Variants in CALCOCO2 observed in about 807,000 individuals in gnomAD.
CALCOCO2 encodes the protein calcium-binding and coiled-coil domain-containing protein 2.
Under a neutral mutation model 62.5 loss-of-function variants are expected in CALCOCO2, and 42 were observed. That is an observed-to-expected ratio of 0.67 (90% CI 0.53 to 0.87). The LOEUF (loss-of-function observed/expected upper bound fraction) is 0.87. Ranked by LOEUF, CALCOCO2 falls within the 40% of genes least tolerant of loss-of-function variation. The probability of loss-of-function intolerance (pLI) is 0.00; values close to 1 mark genes in which losing one functional copy is unlikely to be tolerated. For synonymous variants in CALCOCO2, 167 were observed against 173.0 expected, an observed-to-expected ratio of 0.97 and a Z score of 0.27; for missense variants, 456 against 515.0, an observed-to-expected ratio of 0.89 and a Z score of 1.11.
At chr17:48,855,117 AAG>A (rs1202726365) in intron 9 of CALCOCO2, among the ~76,000 whole-genome samples, 1 of 152,170 alleles carries the variant, frequency 6.6e-6, no homozygotes, top group Non-Finnish European at 1.5e-5. Context: ...TTGCACTAAA[AAG>A]AGGGATGTAG....
chr17:48,863,043 G>T lies in CALCOCO2; in HGVS notation c.*38G>T. ...CTTGGATGTATACAGAGATTTTATA[G>T]AATAGAACCTATAGCTTCTACCATG... On this transcript the variant is annotated 3_prime_UTR_variant, in exon 13 of 13. Coordinates refer to ENST00000258947, the MANE Select transcript of CALCOCO2 (RefSeq NM_005831.5). The T allele has an allele frequency of 1.4e-6, 2 of 1,440,234 alleles. No homozygotes were observed. The highest frequency in any genetic ancestry group is 1.1e-5 in the South Asian group (1 of 87,344). The allele number at this position is 1,440,234 out of a possible 1,614,324, so 89.2% of individuals were successfully genotyped here.
At chr17:48,834,430 A>C (rs1016589171) in intron 1 of CALCOCO2, among the ~76,000 whole-genome samples, 6 of 152,258 alleles carry the variant, frequency 3.9e-5, no homozygotes, top group African/African-American at 1.4e-4. Flanking sequence ...GAATTTGTGC[A>C]TTATTTTACC....
chr17:48,856,096 A>G lies in CALCOCO2; in HGVS notation c.917A>G (p.Glu306Gly), dbSNP rs1370181309. 2.6e-6 allele frequency: 4 copies of G among 1,561,856 alleles called. No individual in the cohort carries two copies. In the African/African-American group the frequency reaches 4.1e-5, roughly 16 times the overall value. Reference protein sequence around the residue: ...AMKKQQELMDENFDLSKRLSE... With the variant: ...AMKKQQELMDGNFDLSKRLSE... ...AATTTTTTTTATTGTTGACAGGATG[A>G]AAACTTTGACCTGTCAAAAAGACTG... is the stretch of plus-strand genomic sequence containing the variant. The change falls in exon 10 of 13, where the codon GAA (glutamate) becomes GGA (glycine). Residue 306 changes from glutamate to glycine, a missense_variant. Transcript: ENST00000258947.
chr17:48,833,386 C>G (rs939608919), intron 1 of CALCOCO2, among the ~76,000 whole-genome samples: 4 of 152,062 alleles, frequency 2.6e-5, no homozygotes, highest in South Asian at 2.1e-4. Context: ...GAAACCCCGT[C>G]TCTACTAAAA....
At chr17:48,838,168 CAATT>C (rs2039921933) in intron 1 of CALCOCO2, among the ~76,000 whole-genome samples, 1 of 151,816 alleles carries the variant, frequency 6.6e-6, no homozygotes, top group Non-Finnish European at 1.5e-5. Context: ...GGGTCGTGAT[CAATT>C]GAGCAAGCAG....
intron 2 of CALCOCO2, among the ~76,000 whole-genome samples, chr17:48,845,320 GGTGTGTGTGTGT>G (rs55686005): frequency 1.5e-5 from 2 of 137,244 alleles, no homozygotes; most frequent in African/African-American, 2.7e-5. Context: ...CTATGTTGAG[GGTGTGTGTGTGT>G]GTGTGTGTGT....
At chr17:48,860,830 C>T (rs12939640) in intron 11 of CALCOCO2, among the ~76,000 whole-genome samples, 86 of 152,134 alleles carry the variant, frequency 5.7e-4, no homozygotes, top group Non-Finnish European at 1.0e-3. Flanking sequence ...GTTACAGCAG[C>T]CACCCTGATG....
At chr17:48,841,614 A>G (rs2039974808) in intron 1 of CALCOCO2, 84 bp from the exon 2 acceptor site, 2 of 949,824 alleles carry the variant, frequency 2.1e-6, no homozygotes, top group East Asian at 2.8e-5. Flanking sequence ...TTTGCACAGA[A>G]TGTTCCCTGG....
chr17:48,849,079 A>G (rs951038516), intron 4 of CALCOCO2, among the ~76,000 whole-genome samples, 173 bp from the exon 5 acceptor site: 1 of 152,216 alleles, frequency 6.6e-6, no homozygotes, highest in Middle Eastern at 3.2e-3. Flanking sequence ...TGCTGCAATT[A>G]TAAAGACATA....
At chr17:48,860,094 A>G (rs1470889899) in intron 10 of CALCOCO2, among the ~76,000 whole-genome samples, 2 of 152,194 alleles carry the variant, frequency 1.3e-5, no homozygotes, top group Admixed American at 6.5e-5. Context: ...ACTCTGACTC[A>G]AAATAAATAA....
intron 10 of CALCOCO2, among the ~76,000 whole-genome samples, chr17:48,857,673 G>T (rs561833662): frequency 6.7e-6 from 1 of 148,948 alleles, no homozygotes; most frequent in African/African-American, 2.5e-5. Context: ...TTAAAATTGC[G>T]GTTAAAACAC....
chr17:48,845,371 CTGTGTGTGTGTGTGTGTGTGTGTGTGTG>C (rs56280364), intron 2 of CALCOCO2, among the ~76,000 whole-genome samples: 5 of 116,210 alleles, frequency 4.3e-5, no homozygotes, highest in Admixed American at 8.9e-5. Context: ...TAAATCCTCA[CTGTGTGTGTGTGTGTGTGTGTGTGTGTG>C]TGTGTGTGTG....
intron 10 of CALCOCO2, among the ~76,000 whole-genome samples, chr17:48,857,176 C>T (rs946900457): frequency 6.7e-6 from 1 of 149,168 alleles, no homozygotes; most frequent in African/African-American, 2.5e-5. Flanking sequence ...ATCTATACTT[C>T]CATCAATTCT....
At chr17:48,849,512 G>A (rs983486287) in intron 5 of CALCOCO2, 135 bp downstream of exon 5, 3 of 759,202 alleles carry the variant, frequency 4.0e-6, no homozygotes, top group Admixed American at 2.7e-5. Context: ...CATTAGTTTT[G>A]TTTGTTTGTT....
At chr17:48,858,000 A>AATAGGATAGC (rs2040250219) in intron 10 of CALCOCO2, among the ~76,000 whole-genome samples, 1 of 22,318 alleles carries the variant, frequency 4.5e-5, no homozygotes, top group Non-Finnish European at 1.1e-4. Context: ...AATAGAATAG[A>AATAGGATAGC]ATAGAATAGA....
In CALCOCO2 at chr17:48,864,676, G is replaced by A. The variant is rs1401827295; in HGVS notation, c.*1671G>A. 2 of 152,358 alleles carry A rather than the reference G, an allele frequency of 1.3e-5. No individual in the cohort carries two copies. The highest frequency in any genetic ancestry group is 1.3e-4 in the Admixed American group (2 of 15,282). 9.4% of individuals were successfully genotyped at this position (152,358 alleles called of 1,614,324 possible). Reference sequence around the variant, plus strand: ...ACTGGGCTTTCCCTAATGTGGTTGGGAGTTATGCCCTAGACTAACTGTATT... The same window carrying A: ...ACTGGGCTTTCCCTAATGTGGTTGGAAGTTATGCCCTAGACTAACTGTATT... On this transcript the variant is annotated 3_prime_UTR_variant, in exon 13 of 13. Coordinates refer to ENST00000258947, the MANE Select transcript of CALCOCO2 (RefSeq NM_005831.5).
chr17:48,854,315 CA>C (rs1306014209), intron 9 of CALCOCO2, among the ~76,000 whole-genome samples: 1 of 30,562 alleles, frequency 3.3e-5, no homozygotes, highest in Non-Finnish European at 5.2e-5. Flanking sequence ...GACTCCGTCT[CA>C]AAAAAAAAAA....
intron 7 of CALCOCO2, among the ~76,000 whole-genome samples, chr17:48,852,096 C>G (rs1234107918): frequency 6.6e-6 from 1 of 151,092 alleles, no homozygotes; most frequent in Non-Finnish European, 1.5e-5. Context: ...AGAGATTGCA[C>G]CACTGCACTC....
chr17:48,844,807 C>T (rs926157293), intron 2 of CALCOCO2, among the ~76,000 whole-genome samples: 4 of 152,138 alleles, frequency 2.6e-5, no homozygotes, highest in African/African-American at 4.8e-5. Flanking sequence ...CGTGAGCTAC[C>T]GCGCCCGGCC....
Sources: gnomAD v4.1 joint callset for allele counts (sites outside exome capture counted in the v4.1 genomes callset) on GRCh38, gnomAD v4.1.1 for gene constraint, MANE v1.5 for transcripts, NCBI Gene and HGNC (gene_info 2026-07-23, HGNC 2026-07-21) for gene names.